Variants in HDAC4 observed in about 807,000 individuals in gnomAD.
HDAC4 encodes histone deacetylase 4.
In HDAC4, 16 loss-of-function variants were observed where a neutral mutation model predicts 135.1. The observed-to-expected ratio is 0.12, with a 90% CI of 0.08 to 0.18. The LOEUF is 0.18. Ranked by LOEUF, HDAC4 falls within the 10% of genes least tolerant of loss-of-function variation. HDAC4 has a pLI of 1.00. For synonymous variants in HDAC4, 685 were observed against 653.4 expected (o/e 1.05, Z -0.74); for missense variants, 1,143 against 1,511.8 (o/e 0.76, Z 4.05).
intron 1 of HDAC4, among the ~76,000 whole-genome samples, chr2:239,397,614 C>G (rs1031837753): frequency 1.3e-5 from 2 of 152,184 alleles, no homozygotes; most frequent in African/African-American, 4.8e-5. Flanking sequence ...GAGGCTGCAG[C>G]AAGGGGACAT....
chr2:239,372,525 G>A (rs536205923), intron 1 of HDAC4, among the ~76,000 whole-genome samples: 6 of 152,164 alleles, frequency 3.9e-5, no homozygotes, highest in Non-Finnish European at 7.4e-5. Flanking sequence ...TCGCTTCTGT[G>A]AGTGCCCAAA....
chr2:239,292,182 G>T (rs1325650611), intron 2 of HDAC4, among the ~76,000 whole-genome samples: 1 of 152,230 alleles, frequency 6.6e-6, no homozygotes, highest in Admixed American at 6.5e-5. Flanking sequence ...AAGTGTTCCG[G>T]TGTTTTGTCA....
At chr2:239,282,221 CACAAT>C in intron 2 of HDAC4, among the ~76,000 whole-genome samples, 1 of 124,976 alleles carries the variant, frequency 8.0e-6, no homozygotes, top group Non-Finnish European at 1.7e-5. Flanking sequence ...CACCTCTCTA[CACAAT>C]GTACACACCA....
At chr2:239,257,786 A>ATAT (rs1361607326) in intron 2 of HDAC4, among the ~76,000 whole-genome samples, 2 of 152,170 alleles carry the variant, frequency 1.3e-5, no homozygotes, top group Non-Finnish European at 2.9e-5. Context: ...TTTGCAAATA[A>ATAT]TATTTTCAAC....
intron 4 of HDAC4, among the ~76,000 whole-genome samples, chr2:239,178,248 C>T (rs557380626): frequency 2.6e-4 from 39 of 152,290 alleles, no homozygotes; most frequent in South Asian, 4.1e-4. Flanking sequence ...GTGATTGTTC[C>T]GTTACCAGTT....
intron 1 of HDAC4, among the ~76,000 whole-genome samples, chr2:239,383,294 C>G (rs984437642): frequency 2.0e-5 from 3 of 152,196 alleles, no homozygotes; most frequent in African/African-American, 4.8e-5. Flanking sequence ...AGCCCTGCAC[C>G]TTCCCGTAAA....
intron 22 of HDAC4, among the ~76,000 whole-genome samples, chr2:239,080,429 C>T (rs2035198034): frequency 6.6e-6 from 1 of 152,330 alleles, no homozygotes; most frequent in African/African-American, 2.4e-5. Context: ...GCCCTGGACG[C>T]CCGTCACTCC....
chr2:239,056,647 T>C (rs1446787627), intron 24 of HDAC4, among the ~76,000 whole-genome samples: 1 of 152,240 alleles, frequency 6.6e-6, no homozygotes, highest in Non-Finnish European at 1.5e-5. Flanking sequence ...TGCACGTATC[T>C]ACTCCCCTCT....
intron 1 of HDAC4, among the ~76,000 whole-genome samples, chr2:239,384,659 A>G (rs1695661672): frequency 6.6e-6 from 1 of 152,040 alleles, no homozygotes; most frequent in Admixed American, 6.6e-5. Context: ...GAGAAGGGAA[A>G]ACTGCCCTGC....
chr2:239,281,518 C>T (rs2050747965), intron 2 of HDAC4, among the ~76,000 whole-genome samples: 2 of 145,330 alleles, frequency 1.4e-5, no homozygotes, highest in East Asian at 2.1e-4. Context: ...ACAATGAACA[C>T]ACCACTCTAC....
chr2:239,154,524 G>A (rs776967442), intron 7 of HDAC4: 31 of 152,248 alleles, frequency 2.0e-4, no homozygotes, highest in Non-Finnish European at 4.4e-5. Context: ...CCTCGGCATC[G>A]CTCCAGTTTC....
chr2:239,171,160 C>A (rs1249108989), intron 5 of HDAC4, among the ~76,000 whole-genome samples: 2 of 102,370 alleles, frequency 2.0e-5, no homozygotes, highest in Non-Finnish European at 3.8e-5. Context: ...GAAATAAACA[C>A]AATCTGACCA....
At chr2:239,222,635 C>T (rs2047025063) in intron 3 of HDAC4, among the ~76,000 whole-genome samples, 1 of 151,844 alleles carries the variant, frequency 6.6e-6, no homozygotes, top group Non-Finnish European at 1.5e-5. Context: ...CAGACAGAAC[C>T]ATCCGTCTGA....
At chr2:239,191,437 T>C (rs74003751) in intron 3 of HDAC4, among the ~76,000 whole-genome samples, 5,827 of 152,298 alleles carry the variant, frequency 0.038, 370 homozygotes, top group African/African-American at 0.13. Flanking sequence ...AAACAGCCCA[T>C]AGGTGGCAGC....
intron 1 of HDAC4, among the ~76,000 whole-genome samples, chr2:239,394,710 G>A (rs927774847): frequency 3.3e-5 from 5 of 152,270 alleles, no homozygotes; most frequent in Non-Finnish European, 7.3e-5. Flanking sequence ...GAACCCCGCA[G>A]AGGGGCCAGG....
At chr2:239,131,035 G>A (rs1353235187) in intron 11 of HDAC4, among the ~76,000 whole-genome samples, 1 of 152,240 alleles carries the variant, frequency 6.6e-6, no homozygotes, top group Non-Finnish European at 1.5e-5. Flanking sequence ...TAATCTCCGA[G>A]GATGTACCAG....
At chr2:239,221,340 T>C (rs1284647451) in intron 3 of HDAC4, among the ~76,000 whole-genome samples, 1 of 151,960 alleles carries the variant, frequency 6.6e-6, no homozygotes, top group Admixed American at 6.6e-5. Flanking sequence ...GGGAGCATTC[T>C]GGGAAACCCT....
At chr2:239,214,551 G>A (rs1296212022) in intron 3 of HDAC4, among the ~76,000 whole-genome samples, 2 of 152,230 alleles carry the variant, frequency 1.3e-5, no homozygotes, top group African/African-American at 4.8e-5. Context: ...TCAGACTAGA[G>A]GGGCAAGAAC....
chr2:239,161,634 C>A (rs952866859), intron 6 of HDAC4, among the ~76,000 whole-genome samples: 3 of 152,150 alleles, frequency 2.0e-5, no homozygotes. Context: ...GACTTGAGAT[C>A]AAGTCCTTCC....
Sources: allele counts gnomAD v4.1 joint callset (sites outside exome capture counted in the v4.1 genomes callset), GRCh38; gene constraint gnomAD v4.1.1; transcripts MANE v1.5; gene names NCBI Gene and HGNC (gene_info 2026-07-23, HGNC 2026-07-21).